GAS2: variants seen among roughly 807,000 people sequenced by gnomAD.
GAS2 encodes growth arrest-specific protein 2.
A neutral mutation model predicts 37.5 loss-of-function variants in GAS2; 20 were observed. That is an observed-to-expected ratio of 0.53 (90% confidence interval 0.37 to 0.77). The LOEUF (loss-of-function observed/expected upper bound fraction) is 0.77. GAS2 is among the 30% of genes least tolerant of loss of function. The pLI is 0.00. For missense variants in GAS2, 336 were observed against 373.4 expected (o/e 0.90, Z 0.82); for synonymous variants, 144 against 132.2 (o/e 1.09, Z -0.61).
At chr11:22,686,048 T>A (rs555651656) in intron 3 of GAS2, among the ~76,000 whole-genome samples, 50 of 152,276 alleles carry the variant, frequency 3.3e-4, no homozygotes, top group Non-Finnish European at 5.0e-4. Flanking sequence ...GTGTATAAAC[T>A]CAATGAATCT....
At chr11:22,760,050 C>G (rs967800451) in intron 7 of GAS2, among the ~76,000 whole-genome samples, 5 of 152,162 alleles carry the variant, frequency 3.3e-5, no homozygotes, top group Admixed American at 2.6e-4. Context: ...CTCCATCTCC[C>G]AGGTTCAAGC....
In GAS2 at chr11:22,757,764, C is replaced by T. The variant is rs181994177; in HGVS notation, c.723+1811C>T. 2.6e-5 allele frequency among the ~76,000 whole-genome samples: 4 copies of T among 152,224 alleles called. No homozygotes were observed. In the East Asian group the frequency reaches 7.7e-4, roughly 29 times the overall value. The stretch of plus-strand genomic sequence containing the variant: ...TTTCTGTCACTGCCTAAATTACAAA[C>T]CGAAACTATTTGTCAAAAAAGGAAA... On this transcript the variant is annotated intron_variant, in intron 7 of 7. Coordinates refer to ENST00000454584, the MANE Select transcript of GAS2 (RefSeq NM_001143830.3).
rs540537168 is a variant in GAS2, at chr11:22,686,435, G to T, written c.267+646G>T. 2.6e-5 allele frequency among the ~76,000 whole-genome samples: 4 copies of T among 151,448 alleles called. 1 individual carries two copies. In the South Asian group the frequency reaches 8.3e-4, roughly 32 times the overall value. On this transcript the variant is annotated intron_variant, in intron 3 of 7. Coordinates refer to ENST00000454584, the MANE Select transcript of GAS2 (RefSeq NM_001143830.3). ...TATAAAAAATATTAAAATAATGTTG[G>T]CCAGGCATGGTGGCTCATGCCTGTA...
At chr11:22,757,080 CAG>C (rs747528987) in intron 7 of GAS2, among the ~76,000 whole-genome samples, 3 of 152,078 alleles carry the variant, frequency 2.0e-5, no homozygotes, top group Admixed American at 6.6e-5. Flanking sequence ...AGAATCAAAA[CAG>C]AGAGAGTCAT....
At chr11:22,742,490 C>G (rs1853143174) in intron 5 of GAS2, among the ~76,000 whole-genome samples, 2 of 152,094 alleles carry the variant, frequency 1.3e-5, no homozygotes, top group African/African-American at 4.8e-5. Context: ...GATTTACAAT[C>G]TGTTGACATC....
At position 22,655,026 on chromosome 11, in the gene GAS2, A is replaced by C. The variant is rs73474144; in HGVS notation, c.-20-19824A>C. Among the ~76,000 whole-genome samples, 781 of 152,288 alleles carry C rather than the reference A, an allele frequency of 5.1e-3. 10 individuals carry two copies. Among genetic ancestry groups the C allele is most frequent in the African/African-American group, 0.018 (754 of 41,542 alleles). Reference sequence around the variant, plus strand: ...TTCCACCTTAAGTCCAAACGTCTTAAAATGTTGTTCAAAACCACCTTAAAC... The same window carrying C: ...TTCCACCTTAAGTCCAAACGTCTTACAATGTTGTTCAAAACCACCTTAAAC... On this transcript the variant is annotated intron_variant, in intron 1 of 5. Coordinates refer to the GAS2 transcript ENST00000528582.
Position 22,706,440 on chromosome 11 carries a change from C to CGTCATCT in GAS2, c.268-19851_268-19845dup, listed in dbSNP as rs557369665. On this transcript the variant is annotated intron_variant, in intron 3 of 7. Coordinates refer to ENST00000454584, the MANE Select transcript of GAS2 (RefSeq NM_001143830.3). The stretch of plus-strand genomic sequence containing the variant: ...CGCTGGTGCACTGCACCCACTAACT[C>CGTCATCT]GTCATCTAGCATTAGGTATATCTCC... Among the ~76,000 whole-genome samples, 51 of 152,152 alleles carry CGTCATCT rather than the reference C, an allele frequency of 3.4e-4. No homozygotes were observed. The East Asian group carries it at 7.5e-3, about 22-fold the overall frequency.
upstream of GAS2, among the ~76,000 whole-genome samples, chr11:22,664,690 T>A (rs1848955143): frequency 6.6e-6 from 1 of 152,094 alleles, no homozygotes; most frequent in Non-Finnish European, 1.5e-5. Context: ...ACTAAGAAAA[T>A]ACTTAGACAA....
At chr11:22,761,023 C>A (rs1021995802) in intron 7 of GAS2, among the ~76,000 whole-genome samples, 4 of 152,056 alleles carry the variant, frequency 2.6e-5, no homozygotes, top group Non-Finnish European at 5.9e-5. Context: ...TTGTTGTGAA[C>A]TTATAGCATA....
chr11:22,675,415 A>G (rs1849381061), intron 2 of GAS2, among the ~76,000 whole-genome samples: 1 of 152,208 alleles, frequency 6.6e-6, no homozygotes, highest in East Asian at 1.9e-4. Context: ...TTTACAGCAC[A>G]CCTTCTAAAA....
intron 1 of GAS2, among the ~76,000 whole-genome samples, chr11:22,652,630 G>A (rs1182435561): frequency 6.6e-6 from 1 of 152,242 alleles, no homozygotes; most frequent in African/African-American, 2.4e-5. Flanking sequence ...CCGGTGTGCT[G>A]TGTTTTAAGC....
At chr11:22,652,716 A>T (rs540317806) in intron 1 of GAS2, among the ~76,000 whole-genome samples, 2 of 152,282 alleles carry the variant, frequency 1.3e-5, no homozygotes, top group South Asian at 4.1e-4. Flanking sequence ...TTCTTTGACT[A>T]GGAAAGGGAA....
At chr11:22,716,651 A>C (rs973963419) in intron 3 of GAS2, among the ~76,000 whole-genome samples, 1 of 151,970 alleles carries the variant, frequency 6.6e-6, no homozygotes, top group African/African-American at 2.4e-5. Context: ...CTCAAAAAAA[A>C]AAAAAAGAAA....
At chr11:22,720,085 G>A (rs1851876518) in intron 3 of GAS2, among the ~76,000 whole-genome samples, 1 of 152,028 alleles carries the variant, frequency 6.6e-6, no homozygotes, top group Non-Finnish European at 1.5e-5. Context: ...TGCCAACTTT[G>A]TTAGTTAAGT....
chr11:22,646,129 A>G (rs1371675359), intron 1 of GAS2, among the ~76,000 whole-genome samples: 1 of 151,986 alleles, frequency 6.6e-6, no homozygotes, highest in Non-Finnish European at 1.5e-5. Flanking sequence ...AGGCGTCATT[A>G]TTTACTGAGA....
At chr11:22,728,771 A>G (rs2036447209) in intron 4 of GAS2, among the ~76,000 whole-genome samples, 1 of 151,798 alleles carries the variant, frequency 6.6e-6, no homozygotes, top group Non-Finnish European at 1.5e-5. Context: ...TGACTTTAGG[A>G]TTAGTCAGAG....
chr11:22,676,729 T>G (rs1849444674), intron 2 of GAS2, among the ~76,000 whole-genome samples: 1 of 151,926 alleles, frequency 6.6e-6, no homozygotes, highest in African/African-American at 2.4e-5. Flanking sequence ...AATTTATTCT[T>G]TTTTTCAACA....
intron 3 of GAS2, among the ~76,000 whole-genome samples, chr11:22,690,941 C>T (rs552943110): frequency 5.3e-5 from 8 of 152,112 alleles, no homozygotes; most frequent in Non-Finnish European, 8.8e-5. Flanking sequence ...GGGGCATCAG[C>T]GTGGGGCAAG....
chr11:22,730,683 A>G (rs1230859118), intron 4 of GAS2, among the ~76,000 whole-genome samples: 1 of 151,758 alleles, frequency 6.6e-6, no homozygotes, highest in Non-Finnish European at 1.5e-5. Context: ...CTTGAATTCA[A>G]AAGTATGTAG....
Sources: gnomAD v4.1 joint callset for allele counts (sites outside exome capture counted in the v4.1 genomes callset) on GRCh38, gnomAD v4.1.1 for gene constraint, MANE v1.5 for transcripts, NCBI Gene and HGNC (gene_info 2026-07-23, HGNC 2026-07-21) for gene names.